SUMF1: variants seen among roughly 807,000 people sequenced by gnomAD.
The protein encoded by SUMF1 is formylglycine-generating enzyme.
SUMF1 carries 48 observed loss-of-function variants against 47.6 expected under a neutral mutation model. The observed-to-expected ratio is 1.01, with a 90% confidence interval of 0.80 to 1.28. The LOEUF is 1.28. Ranked by LOEUF, SUMF1 falls within the 50% of genes most tolerant of loss-of-function variation. The pLI is 0.00. For missense variants in SUMF1, 571 were observed against 485.4 expected, an observed-to-expected ratio of 1.18 and a Z score of -1.66; for synonymous variants, 230 against 192.1, an observed-to-expected ratio of 1.20 and a Z score of -1.63.
intron 7 of SUMF1, among the ~76,000 whole-genome samples, chr3:4,396,310 G>T (rs918071287): frequency 6.6e-6 from 1 of 152,184 alleles, no homozygotes; most frequent in Admixed American, 6.5e-5. Flanking sequence ...TCTAGTTTCA[G>T]ACACACAAAC....
At chr3:4,285,420 CT>C (rs141228299) in intron 8 of SUMF1, among the ~76,000 whole-genome samples, 9 of 151,818 alleles carry the variant, frequency 5.9e-5, no homozygotes, top group Admixed American at 2.0e-4. Flanking sequence ...GGTGATTTTT[CT>C]TTTTTTGTGA....
At chr3:4,438,423 T>C (rs577059890) in intron 3 of SUMF1, among the ~76,000 whole-genome samples, 3 of 152,268 alleles carry the variant, frequency 2.0e-5, no homozygotes, top group South Asian at 4.1e-4. Flanking sequence ...CTAAGTCAGT[T>C]TGCCTACCCT....
rs1347524038 is a variant in SUMF1 at position 4,335,959 on chromosome 3, T to TCAAAAAAAACAAAAA, written c.1014+40370_1014+40371insTTTTTGTTTTTTTTG. On this transcript the variant is annotated intron_variant and NMD_transcript_variant, in intron 8 of 12. Coordinates refer to the SUMF1 transcript ENST00000448413. ...CTGGACAACTGAGTGAGATTCCAACTCAAAAAAAAAAAAAAAAAAAACAGA... is the reference window on the plus strand; with the variant it reads ...CTGGACAACTGAGTGAGATTCCAACTCAAAAAAAACAAAAACAAAAAAAAAAAAAAAAAAAACAGA... Among the ~76,000 whole-genome samples the TCAAAAAAAACAAAAA allele has an allele frequency of 4.4e-4, 3 of 6,804 alleles. No individual in the cohort carries two copies. In the African/African-American group the frequency reaches 4.5e-3, roughly 10 times the overall value. The allele number at this position is 6,804 out of a possible 152,430, so 4.5% of individuals were successfully genotyped here.
At chr3:4,408,483 G>T (rs1701441876) in intron 7 of SUMF1, among the ~76,000 whole-genome samples, 1 of 152,086 alleles carries the variant, frequency 6.6e-6, no homozygotes, top group African/African-American at 2.4e-5. Flanking sequence ...GTGGCTAGAG[G>T]GATCAGCAAG....
intron 9 of SUMF1, among the ~76,000 whole-genome samples, chr3:4,035,943 G>A (rs2125013745): frequency 6.6e-6 from 1 of 152,252 alleles, no homozygotes; most frequent in East Asian, 1.9e-4. Flanking sequence ...TGCTTTGGGT[G>A]CAGTTCTTAG....
intron 8 of SUMF1, among the ~76,000 whole-genome samples, chr3:4,309,975 T>TAC (rs900818534): frequency 1.3e-5 from 2 of 152,232 alleles, no homozygotes; most frequent in African/African-American, 4.8e-5. Flanking sequence ...TATAGCCTAC[T>TAC]ACACACTTAG....
rs1696386752 is a variant in SUMF1, at chr3:4,235,459, G to T, written c.1014+140871C>A. Among the ~76,000 whole-genome samples the T allele has an allele frequency of 1.3e-5, 2 of 152,036 alleles. 1 individual carries two copies. The highest frequency in any genetic ancestry group is 2.9e-5 in the Non-Finnish European group (2 of 67,966). On this transcript the variant is annotated intron_variant and NMD_transcript_variant, in intron 8 of 12. Transcript: ENST00000448413. ...AAAGGCAAAATCAAGTAGGGAGAAA[G>T]TACTAAGAAGAAAATACAGCATAGA...
At chr3:4,060,331 G>A (rs1381692853) in intron 9 of SUMF1, among the ~76,000 whole-genome samples, 1 of 152,152 alleles carries the variant, frequency 6.6e-6, no homozygotes, top group South Asian at 2.1e-4. Context: ...ACAGACTGCT[G>A]AACTAGGATT....
intron 8 of SUMF1, among the ~76,000 whole-genome samples, chr3:4,171,143 C>T (rs1485108828): frequency 6.6e-6 from 1 of 152,122 alleles, no homozygotes; most frequent in Non-Finnish European, 1.5e-5. Flanking sequence ...TGAATAAACA[C>T]CTTGCTCCTT....
rs141545522 is a variant in SUMF1, at chr3:4,463,230, G to A, written c.270+3746C>T. ...ATTAGGGCTGGGCGCGGTGGCTCAC[G>A]CCTGTAATCCCAGCACTTTGGGAGG... On this transcript the variant is annotated intron_variant, in intron 1 of 8. Coordinates refer to ENST00000272902, the MANE Select transcript of SUMF1 (RefSeq NM_182760.4). 7.2e-3 allele frequency among the ~76,000 whole-genome samples: 1,096 copies of A among 152,322 alleles called. 11 individuals are homozygous for A. Among genetic ancestry groups the A allele is most frequent in the African/African-American group, 0.025 (1,043 of 41,576 alleles).
intron 8 of SUMF1, among the ~76,000 whole-genome samples, chr3:4,350,856 T>C (rs564854624): frequency 1.1e-4 from 16 of 152,172 alleles, no homozygotes; most frequent in African/African-American, 3.9e-4. Flanking sequence ...CCCTCCCTTT[T>C]TGCTCATACC....
intron 8 of SUMF1, among the ~76,000 whole-genome samples, chr3:4,349,661 G>C (rs1202515761): frequency 1.3e-5 from 2 of 152,170 alleles, no homozygotes; most frequent in East Asian, 1.9e-4. Flanking sequence ...GTCATAAAAA[G>C]GAATGAGATC....
chr3:4,303,450 A>G, intron 8 of SUMF1: 2 of 1,542,594 alleles, frequency 1.3e-6, no homozygotes, highest in African/African-American at 2.9e-5. Flanking sequence ...CCGACTGAGC[A>G]GCTGGATGTC....
At chr3:4,176,789 G>C (rs1389244730) in intron 8 of SUMF1, among the ~76,000 whole-genome samples, 1 of 152,090 alleles carries the variant, frequency 6.6e-6, no homozygotes, top group Non-Finnish European at 1.5e-5. Flanking sequence ...GTATTCAGGA[G>C]ACCCATCTCA....
chr3:4,464,630 T>C (rs180858044), intron 1 of SUMF1, among the ~76,000 whole-genome samples: 43 of 152,378 alleles, frequency 2.8e-4, no homozygotes, highest in African/African-American at 9.6e-4. Context: ...TATGCTCATT[T>C]ACTTCTCCTG....
At chr3:4,451,014 CTCCTTGG>C (rs1422052111) in intron 2 of SUMF1, among the ~76,000 whole-genome samples, 2 of 151,730 alleles carry the variant, frequency 1.3e-5, no homozygotes, top group Admixed American at 6.6e-5. Flanking sequence ...CCTTTTTGAG[CTCCTTGG>C]CAGTATGGTG....
At chr3:4,245,803 A>G (rs562183879) in intron 8 of SUMF1, among the ~76,000 whole-genome samples, 2 of 152,188 alleles carry the variant, frequency 1.3e-5, no homozygotes, top group Non-Finnish European at 2.9e-5. Flanking sequence ...TTAAGTCTGC[A>G]GAAGCTGTCT....
At chr3:4,191,847 A>G (rs1261956505) in intron 8 of SUMF1, among the ~76,000 whole-genome samples, 1 of 152,158 alleles carries the variant, frequency 6.6e-6, no homozygotes, top group Admixed American at 6.6e-5. Flanking sequence ...AACAAGGTGA[A>G]AAAGAATTAC....
chr3:4,050,650 G>A (rs2125022781), intron 9 of SUMF1, among the ~76,000 whole-genome samples: 1 of 151,064 alleles, frequency 6.6e-6, no homozygotes, highest in East Asian at 2.0e-4. Flanking sequence ...GGCTGAGGTG[G>A]GAGAATCACC....
Sources: allele counts gnomAD v4.1 joint callset (sites outside exome capture counted in the v4.1 genomes callset), GRCh38; gene constraint gnomAD v4.1.1; transcripts MANE v1.5; gene names NCBI Gene and HGNC (gene_info 2026-07-23, HGNC 2026-07-21).